Variants in PPM1E observed in about 807,000 individuals in gnomAD.
PPM1E encodes protein phosphatase 1E.
PPM1E carries 20 observed loss-of-function variants against 65.9 expected under a neutral mutation model. The observed-to-expected ratio is 0.30, with a 90% CI of 0.21 to 0.44. The LOEUF is 0.44. Ranked by LOEUF, PPM1E falls within the 20% of genes least tolerant of loss-of-function variation. The pLI is 1.00. For synonymous variants in PPM1E, 352 were observed against 374.9 expected, an observed-to-expected ratio of 0.94 and a Z score of 0.70; for missense variants, 713 against 953.1, an observed-to-expected ratio of 0.75 and a Z score of 3.32.
chr17:58,966,326 G>T (rs1165121176), intron 3 of PPM1E: 5 of 358,264 alleles, frequency 1.4e-5, no homozygotes, highest in African/African-American at 6.8e-5. Flanking sequence ...ACCAGCCTGG[G>T]TGACAGACAT....
intron 1 of PPM1E, among the ~76,000 whole-genome samples, chr17:58,900,045 TGAA>T (rs928433374): frequency 6.7e-6 from 1 of 148,282 alleles, no homozygotes; most frequent in Admixed American, 6.7e-5. Context: ...AAAAAAAAAG[TGAA>T]GAGGAGTTGC....
intron 1 of PPM1E, among the ~76,000 whole-genome samples, chr17:58,806,051 C>A (rs1278205382): frequency 1.4e-5 from 2 of 147,890 alleles, no homozygotes; most frequent in Non-Finnish European, 3.0e-5. Flanking sequence ...TAAGTACTGT[C>A]AATTCTCTCC....
At chr17:58,857,034 C>A (rs182339450) in intron 1 of PPM1E, among the ~76,000 whole-genome samples, 10 of 152,090 alleles carry the variant, frequency 6.6e-5, no homozygotes, top group African/African-American at 2.4e-4. Context: ...TCAGTTTAAC[C>A]TATTTTTTGC....
In PPM1E at chr17:58,769,284, T is replaced by G. The variant is rs1420968921; in HGVS notation, c.464+12823T>G. ...ATGTCTCCTTTGGAAAGAAATCCTG[T>G]TTTTTTTGGTTCTTTAAGTAAAAAG... On this transcript the variant is annotated intron_variant, in intron 1 of 6. Coordinates refer to ENST00000308249, the MANE Select transcript of PPM1E (RefSeq NM_014906.5). Among the ~76,000 whole-genome samples the G allele has an allele frequency of 6.6e-5, 10 of 151,816 alleles. 1 individual carries two copies. The highest frequency in any genetic ancestry group is 1.5e-4 in the Non-Finnish European group (10 of 67,950).
At chr17:58,925,352 C>T (rs975537667) in intron 1 of PPM1E, among the ~76,000 whole-genome samples, 9 of 151,830 alleles carry the variant, frequency 5.9e-5, no homozygotes, top group Admixed American at 5.3e-4. Context: ...TTTTTTCATA[C>T]CTTTTTTGGC....
At chr17:58,786,285 A>T (rs992523267) in intron 1 of PPM1E, among the ~76,000 whole-genome samples, 4 of 152,148 alleles carry the variant, frequency 2.6e-5, no homozygotes, top group African/African-American at 9.7e-5. Flanking sequence ...AAGTGCTGGG[A>T]TTACAGGTGT....
chr17:58,768,384 C>T (rs1262531103), intron 1 of PPM1E, among the ~76,000 whole-genome samples: 9 of 152,098 alleles, frequency 5.9e-5, no homozygotes, highest in Admixed American at 3.3e-4. Context: ...CTGGCCCTTA[C>T]CCTGATTCTC....
Position 58,972,287 on chromosome 17 carries a change from CTGTTT to C in PPM1E, c.1116+14_1116+18del. 1 of 1,611,780 alleles carries C rather than the reference CTGTTT, an allele frequency of 6.2e-7. No homozygotes were observed. Among genetic ancestry groups the C allele is most frequent in the Non-Finnish European group, 8.5e-7 (1 of 1,178,644 alleles). On this transcript the variant is annotated intron_variant, in intron 5 of 6. Coordinates refer to ENST00000308249, the MANE Select transcript of PPM1E (RefSeq NM_014906.5). Reference sequence around the variant, plus strand: ...AACCAGACAGAGAGGTAAGTATGGTCTGTTTTAATAGAGCCCATGCTCTAGTTATT... The same window carrying C: ...AACCAGACAGAGAGGTAAGTATGGTCTAATAGAGCCCATGCTCTAGTTATT...
intron 1 of PPM1E, among the ~76,000 whole-genome samples, chr17:58,913,665 T>C (rs184614989): frequency 1.3e-5 from 2 of 152,064 alleles, no homozygotes; most frequent in Admixed American, 1.3e-4. Context: ...ACTGGTTGAG[T>C]TGGGGATGAA....
At chr17:58,953,171 C>A (rs987160160) in intron 1 of PPM1E, among the ~76,000 whole-genome samples, 1 of 152,228 alleles carries the variant, frequency 6.6e-6, no homozygotes, top group Non-Finnish European at 1.5e-5. Context: ...TAGAGCAATT[C>A]TCTTTTTATG....
chr17:58,756,527 T>A, intron 1 of PPM1E, 66 bp downstream of exon 1: 1 of 1,254,246 alleles, frequency 8.0e-7, no homozygotes, highest in South Asian at 3.8e-5. Flanking sequence ...CGGACGCGGC[T>A]CCCTCGGCCC....
intron 1 of PPM1E, among the ~76,000 whole-genome samples, chr17:58,809,080 A>C (rs1207311384): frequency 6.6e-6 from 1 of 151,998 alleles, no homozygotes; most frequent in Non-Finnish European, 1.5e-5. Context: ...TCATTATCAC[A>C]CCTAAAAAGA....
chr17:58,770,610 A>T (rs1189954760), intron 1 of PPM1E, among the ~76,000 whole-genome samples: 2 of 152,162 alleles, frequency 1.3e-5, no homozygotes, highest in Non-Finnish European at 2.9e-5. Context: ...GACCTTACAA[A>T]TGAATAGCAA....
chr17:58,760,015 A>C (rs1269750579), intron 1 of PPM1E, among the ~76,000 whole-genome samples: 1 of 152,242 alleles, frequency 6.6e-6, no homozygotes, highest in Non-Finnish European at 1.5e-5. Flanking sequence ...GAAGTGGAGA[A>C]CATTCACATA....
At chr17:58,873,562 ATAGTATTATTAT>A (rs1228141918) in intron 1 of PPM1E, among the ~76,000 whole-genome samples, 2 of 123,904 alleles carry the variant, frequency 1.6e-5, no homozygotes, top group African/African-American at 2.9e-5. Context: ...CAAAATGCTC[ATAGTATTATTAT>A]TATTATTATT....
chr17:58,859,454 A>G (rs892916908), intron 1 of PPM1E, among the ~76,000 whole-genome samples: 1 of 152,232 alleles, frequency 6.6e-6, no homozygotes, highest in African/African-American at 2.4e-5. Context: ...AGGTGAACTC[A>G]AATGGTTTTG....
At chr17:58,872,024 G>A (rs771463290) in intron 1 of PPM1E, among the ~76,000 whole-genome samples, 1 of 152,062 alleles carries the variant, frequency 6.6e-6, no homozygotes, top group Non-Finnish European at 1.5e-5. Flanking sequence ...GAGGCTGGGC[G>A]TGGTGGCTCA....
chr17:58,891,665 C>T (rs2051346693), intron 1 of PPM1E, among the ~76,000 whole-genome samples: 1 of 151,928 alleles, frequency 6.6e-6, no homozygotes, highest in African/African-American at 2.4e-5. Flanking sequence ...TTCAAAATTG[C>T]AGACTATAGG....
intron 1 of PPM1E, among the ~76,000 whole-genome samples, chr17:58,953,442 A>T (rs2052268076): frequency 6.6e-6 from 1 of 152,114 alleles, no homozygotes; most frequent in South Asian, 2.1e-4. Flanking sequence ...TTTTTAATTT[A>T]ATAATCAGAT....
Sources: gnomAD v4.1 joint callset for allele counts (sites outside exome capture counted in the v4.1 genomes callset) on GRCh38, gnomAD v4.1.1 for gene constraint, MANE v1.5 for transcripts, NCBI Gene and HGNC (gene_info 2026-07-23, HGNC 2026-07-21) for gene names.